Variants in CADPS observed in about 807,000 individuals in gnomAD.
CADPS encodes calcium-dependent secretion activator 1.
In CADPS, 57 loss-of-function variants were observed where a neutral mutation model predicts 167.3. The ratio of observed to expected loss-of-function variants is 0.34; its 90% confidence interval spans 0.28 to 0.42. The LOEUF is 0.42. CADPS is among the 20% of genes least tolerant of loss of function. The pLI is 1.00. For synonymous variants in CADPS, 676 were observed against 635.3 expected (o/e 1.06, Z -0.96); for missense variants, 1,414 against 1,738.1 (o/e 0.81, Z 3.32).
chr3:62,582,924 G>C (rs2083727652), intron 8 of CADPS, among the ~76,000 whole-genome samples: 1 of 152,196 alleles, frequency 6.6e-6, no homozygotes, highest in Non-Finnish European at 1.5e-5. Context: ...AAGAGAATGT[G>C]GGAAATGGGC....
intron 7 of CADPS, among the ~76,000 whole-genome samples, chr3:62,589,348 G>A (rs541408005): frequency 6.6e-6 from 1 of 152,332 alleles, no homozygotes; most frequent in African/African-American, 2.4e-5. Context: ...TTGGCAGAAA[G>A]TTTCTTTGGC....
intron 3 of CADPS, among the ~76,000 whole-genome samples, chr3:62,712,598 A>G (rs1236563315): frequency 6.6e-6 from 1 of 152,220 alleles, no homozygotes; most frequent in East Asian, 1.9e-4. Context: ...TCGTTTCTCC[A>G]GCTTGCATCC....
intron 3 of CADPS, among the ~76,000 whole-genome samples, chr3:62,693,606 A>G (rs932150870): frequency 1.3e-5 from 2 of 151,458 alleles, no homozygotes; most frequent in African/African-American, 4.9e-5. Context: ...ATATGGTGAA[A>G]CTCTGTCTGT....
At chr3:62,819,444 G>GTGTGTA (rs949087191) in intron 1 of CADPS, among the ~76,000 whole-genome samples, 2 of 145,048 alleles carry the variant, frequency 1.4e-5, no homozygotes, top group African/African-American at 5.1e-5. Flanking sequence ...GTGTGTGTGT[G>GTGTGTA]TATTACAGTA....
intron 3 of CADPS, among the ~76,000 whole-genome samples, chr3:62,711,778 A>T (rs575910174): frequency 1.3e-5 from 2 of 152,244 alleles, no homozygotes; most frequent in East Asian, 1.9e-4. Context: ...TTGTTTATTG[A>T]TTCATTCATC....
At chr3:62,581,474 C>T (rs1206458616) in intron 8 of CADPS, among the ~76,000 whole-genome samples, 8 of 139,798 alleles carry the variant, frequency 5.7e-5, no homozygotes, top group East Asian at 2.0e-4. Flanking sequence ...AAAAGGAGTT[C>T]GAGACCAGCC....
chr3:62,473,237 G>T (rs1462860849), intron 24 of CADPS, among the ~76,000 whole-genome samples: 1 of 151,494 alleles, frequency 6.6e-6, no homozygotes, highest in Admixed American at 6.6e-5. Context: ...GTGGGGGTGG[G>T]GGCTGAGGAA....
chr3:62,507,047 T>C (rs1281269521), intron 17 of CADPS, among the ~76,000 whole-genome samples: 1 of 152,226 alleles, frequency 6.6e-6, no homozygotes, highest in East Asian at 1.9e-4. Context: ...TCTCTTTTCT[T>C]GCTTAGGCTA....
At chr3:62,660,318 C>G (rs1329883929) in intron 4 of CADPS, among the ~76,000 whole-genome samples, 3 of 152,124 alleles carry the variant, frequency 2.0e-5, no homozygotes, top group African/African-American at 7.2e-5. Flanking sequence ...ACCAAATGAC[C>G]TCCATTTTCT....
chr3:62,731,334 A>T (rs2152123258), intron 3 of CADPS, among the ~76,000 whole-genome samples: 1 of 152,236 alleles, frequency 6.6e-6, no homozygotes, highest in East Asian at 1.9e-4. Flanking sequence ...TGGAGCTGAG[A>T]GGGATGGCAT....
chr3:62,414,660 G>T (rs1165963207), intron 28 of CADPS, among the ~76,000 whole-genome samples: 1 of 152,182 alleles, frequency 6.6e-6, no homozygotes, highest in Non-Finnish European at 1.5e-5. Context: ...TGGGGTCTGG[G>T]AATAGAAATT....
chr3:62,825,326 T>C (rs1264939614), intron 1 of CADPS, among the ~76,000 whole-genome samples: 2 of 152,080 alleles, frequency 1.3e-5, no homozygotes, highest in African/African-American at 4.8e-5. Context: ...AGTGTAATCA[T>C]AAACGGGATC....
chr3:62,822,372 T>C (rs1017660540), intron 1 of CADPS, among the ~76,000 whole-genome samples: 1 of 152,110 alleles, frequency 6.6e-6, no homozygotes, highest in Non-Finnish European at 1.5e-5. Context: ...TCCATGAGGG[T>C]AGAGAATAAA....
intron 26 of CADPS, among the ~76,000 whole-genome samples, chr3:62,448,616 T>C (rs2057565112): frequency 7.0e-6 from 1 of 143,154 alleles, no homozygotes; most frequent in South Asian, 2.1e-4. Context: ...GATATTGAAC[T>C]TTTTTGGGGG....
chr3:62,625,996 A>G, intron 6 of CADPS: 1 of 151,220 alleles, frequency 6.6e-6, no homozygotes, highest in East Asian at 1.9e-4. Flanking sequence ...TAGATAATTG[A>G]AATTTATCAA....
chr3:62,755,118 G>A (rs1328627067), intron 2 of CADPS, among the ~76,000 whole-genome samples: 1 of 152,122 alleles, frequency 6.6e-6, no homozygotes, highest in Non-Finnish European at 1.5e-5. Flanking sequence ...GAGAGGGGAA[G>A]GGACTTCCTT....
chr3:62,772,339 G>A (rs1242877160), intron 1 of CADPS, among the ~76,000 whole-genome samples: 1 of 152,110 alleles, frequency 6.6e-6, no homozygotes, highest in Non-Finnish European at 1.5e-5. Flanking sequence ...TGCTATTATG[G>A]GTGGCCATGT....
intron 3 of CADPS, among the ~76,000 whole-genome samples, chr3:62,705,431 T>C (rs936708380): frequency 2.0e-5 from 3 of 152,108 alleles, no homozygotes; most frequent in African/African-American, 2.4e-5. Flanking sequence ...GAGTGTCAAC[T>C]TGATTGGACT....
At chr3:62,657,921 C>A (rs1441984284) in intron 4 of CADPS, among the ~76,000 whole-genome samples, 1 of 152,030 alleles carries the variant, frequency 6.6e-6, no homozygotes, top group Non-Finnish European at 1.5e-5. Flanking sequence ...CTAAAAAAAT[C>A]AAAATAGAGA....
Sources: gnomAD v4.1 joint callset for allele counts (sites outside exome capture counted in the v4.1 genomes callset) on GRCh38, gnomAD v4.1.1 for gene constraint, MANE v1.5 for transcripts, NCBI Gene and HGNC (gene_info 2026-07-23, HGNC 2026-07-21) for gene names.